SYNPR: variants seen among roughly 807,000 people sequenced by gnomAD.
SYNPR encodes the protein synaptoporin.
A neutral mutation model predicts 32.9 loss-of-function variants in SYNPR; 23 were observed. That is an observed-to-expected ratio of 0.70 (90% CI 0.50 to 0.99). SYNPR has a LOEUF of 0.99. Ranked by LOEUF, SYNPR falls within the 50% of genes least tolerant of loss-of-function variation. The pLI, the probability that SYNPR is intolerant of heterozygous loss-of-function variation, is 0.00. For missense variants in SYNPR, 318 were observed against 349.3 expected (o/e 0.91, Z 0.71); for synonymous variants, 146 against 135.9 (o/e 1.07, Z -0.52).
chr3:63,378,723 C>A (rs1575616401), intron 2 of SYNPR, among the ~76,000 whole-genome samples: 1 of 151,956 alleles, frequency 6.6e-6, no homozygotes, highest in Non-Finnish European at 1.5e-5. Flanking sequence ...GCGATATATA[C>A]CCTGTCTCAT....
At chr3:63,265,241 C>CTTT (rs71126590) in intron 2 of SYNPR, among the ~76,000 whole-genome samples, 7 of 102,212 alleles carry the variant, frequency 6.8e-5, no homozygotes, top group East Asian at 4.0e-4. Context: ...TAATGACATT[C>CTTT]TTTTTTTTTT....
chr3:63,575,873 T>G (rs184009756), intron 4 of SYNPR, among the ~76,000 whole-genome samples: 3 of 152,298 alleles, frequency 2.0e-5, no homozygotes, highest in African/African-American at 7.2e-5. Context: ...CACATTAACT[T>G]TTTCCTTTTA....
intron 1 of SYNPR, among the ~76,000 whole-genome samples, chr3:63,250,150 T>C (rs1224465913): frequency 1.3e-5 from 2 of 152,124 alleles, no homozygotes; most frequent in Admixed American, 6.6e-5. Flanking sequence ...CCATAAATCA[T>C]TGTATATTTT....
chr3:63,524,456 G>A (rs1466461488), intron 3 of SYNPR, among the ~76,000 whole-genome samples: 1 of 152,110 alleles, frequency 6.6e-6, no homozygotes, highest in Non-Finnish European at 1.5e-5. Context: ...AGATGGGGGT[G>A]ACACAAACCA....
chr3:63,466,001 C>A (rs1700670811), intron 2 of SYNPR, among the ~76,000 whole-genome samples: 1 of 152,150 alleles, frequency 6.6e-6, no homozygotes. Context: ...ATTATTTCAT[C>A]ACCCAGGTGT....
intron 1 of SYNPR, among the ~76,000 whole-genome samples, chr3:63,239,653 T>C (rs1031279596): frequency 1.3e-5 from 2 of 151,394 alleles, no homozygotes; most frequent in African/African-American, 4.9e-5. Flanking sequence ...ACCATTGTCA[T>C]GTGTAACACA....
intron 4 of SYNPR, among the ~76,000 whole-genome samples, chr3:63,569,744 T>C (rs1380194780): frequency 6.6e-6 from 1 of 152,196 alleles, no homozygotes; most frequent in Non-Finnish European, 1.5e-5. Flanking sequence ...AAAGTGAAGT[T>C]CAAAACCATT....
intron 2 of SYNPR, among the ~76,000 whole-genome samples, chr3:63,443,742 A>G (rs772812774): frequency 1.8e-4 from 27 of 152,204 alleles, no homozygotes; most frequent in Admixed American, 5.2e-4. Context: ...AAGCAAACTT[A>G]TATTTGCTTT....
chr3:63,305,208 A>G (rs192391826), intron 2 of SYNPR, among the ~76,000 whole-genome samples: 2 of 152,130 alleles, frequency 1.3e-5, no homozygotes, highest in African/African-American at 4.8e-5. Context: ...GTGACCTTGA[A>G]AGTATATTCT....
chr3:63,431,557 T>C (rs1406377569), intron 2 of SYNPR, among the ~76,000 whole-genome samples: 1 of 152,166 alleles, frequency 6.6e-6, no homozygotes, highest in Non-Finnish European at 1.5e-5. Context: ...AGTGGTAATT[T>C]ATCTGGTTTT....
chr3:63,509,881 T>C, intron 3 of SYNPR, among the ~76,000 whole-genome samples: 1 of 152,184 alleles, frequency 6.6e-6, no homozygotes, highest in Non-Finnish European at 1.5e-5. Flanking sequence ...AGTTTTCACA[T>C]GGACTATCTC....
chr3:63,521,602 T>C lies in SYNPR; in HGVS notation c.210-34941T>C, dbSNP rs1465057370. On this transcript the variant is annotated intron_variant, in intron 3 of 5. Coordinates refer to ENST00000478300, the MANE Select transcript of SYNPR (RefSeq NM_001130003.2). Reference sequence around the variant, plus strand: ...TCCACAAGGCCAGGCTCCTAGTCACTACGTTGGAGTATTTTCTTGGATCCC... The same window carrying C: ...TCCACAAGGCCAGGCTCCTAGTCACCACGTTGGAGTATTTTCTTGGATCCC... Among the ~76,000 whole-genome samples, 7 of 152,298 alleles carry C rather than the reference T, an allele frequency of 4.6e-5. No individual in the cohort carries two copies. In the East Asian group the frequency reaches 1.4e-3, roughly 29 times the overall value.
chr3:63,294,733 AC>A (rs1433237560), intron 2 of SYNPR, among the ~76,000 whole-genome samples: 2 of 152,186 alleles, frequency 1.3e-5, no homozygotes, highest in Non-Finnish European at 2.9e-5. Flanking sequence ...CATAAGCTAA[AC>A]AATGCTATAA....
At chr3:63,419,435 T>A (rs2088579382) in intron 2 of SYNPR, among the ~76,000 whole-genome samples, 1 of 152,216 alleles carries the variant, frequency 6.6e-6, no homozygotes, top group Non-Finnish European at 1.5e-5. Flanking sequence ...GAAGCTGAAC[T>A]GGAAGTTGTT....
At chr3:63,473,047 C>G (rs952116956) in intron 2 of SYNPR, among the ~76,000 whole-genome samples, 1 of 152,024 alleles carries the variant, frequency 6.6e-6, no homozygotes, top group Non-Finnish European at 1.5e-5. Context: ...CTGAGTAACT[C>G]TCTTCTTTTT....
intron 3 of SYNPR, among the ~76,000 whole-genome samples, chr3:63,532,718 G>A (rs912764591): frequency 5.9e-5 from 9 of 152,146 alleles, no homozygotes; most frequent in Admixed American, 3.9e-4. Flanking sequence ...TCCCACTGAC[G>A]TCCATAAGAC....
At chr3:63,412,955 C>T (rs2088487115) in intron 2 of SYNPR, among the ~76,000 whole-genome samples, 3 of 152,172 alleles carry the variant, frequency 2.0e-5, no homozygotes, top group South Asian at 2.1e-4. Flanking sequence ...AATTCGGAAC[C>T]TGCTATTGCA....
intron 2 of SYNPR, among the ~76,000 whole-genome samples, chr3:63,446,248 A>G (rs1700273766): frequency 6.6e-6 from 1 of 151,176 alleles, no homozygotes; most frequent in Admixed American, 6.6e-5. Flanking sequence ...GCTTTACAAA[A>G]TTCTCACCTT....
At chr3:63,371,810 C>G (rs1053231467) in intron 2 of SYNPR, among the ~76,000 whole-genome samples, 1 of 152,240 alleles carries the variant, frequency 6.6e-6, no homozygotes, top group African/African-American at 2.4e-5. Flanking sequence ...CTACATTTCA[C>G]TGAGGAGGAA....
Sources: gnomAD v4.1 joint callset for allele counts (sites outside exome capture counted in the v4.1 genomes callset) on GRCh38, gnomAD v4.1.1 for gene constraint, MANE v1.5 for transcripts, NCBI Gene and HGNC (gene_info 2026-07-23, HGNC 2026-07-21) for gene names.